The following LAMB4 variants were observed in gnomAD, a reference collection of about 807,000 sequenced individuals.
LAMB4 encodes the protein laminin subunit beta 4.
In LAMB4, 196 loss-of-function variants were observed where a neutral mutation model predicts 199.2. That is an observed-to-expected ratio of 0.98 (90% CI 0.88 to 1.11). The LOEUF is 1.11. LAMB4 is among the 50% of genes least tolerant of loss of function. LAMB4 has a pLI of 0.00. For synonymous variants in LAMB4, 744 were observed against 770.6 expected, an observed-to-expected ratio of 0.97 and a Z score of 0.57; for missense variants, 2,080 against 2,171.2, an observed-to-expected ratio of 0.96 and a Z score of 0.83.
At chr7:108,013,180 C>G in the LAMB4 span, among the ~76,000 whole-genome samples, 1 of 152,158 alleles carries the variant, frequency 6.6e-6, no homozygotes, top group African/African-American at 2.4e-5. Flanking sequence ...ATTGCAAGTG[C>G]CTTGAGAGCA....
intron 14 of LAMB4, among the ~76,000 whole-genome samples, chr7:108,089,860 C>G (rs1321746604): frequency 6.6e-6 from 1 of 152,166 alleles, no homozygotes. Context: ...GATATGGGAC[C>G]TCACTATGTT....
At chr7:108,073,573 G>T (rs11978694) in intron 17 of LAMB4, among the ~76,000 whole-genome samples, 1 of 152,092 alleles carries the variant, frequency 6.6e-6, no homozygotes, top group African/African-American at 2.4e-5. Flanking sequence ...ATAAACAAAG[G>T]TTTCCTTTGG....
At chr7:108,124,135 C>G (rs2038697181) in intron 1 of LAMB4, among the ~76,000 whole-genome samples, 1 of 152,092 alleles carries the variant, frequency 6.6e-6, no homozygotes, top group Non-Finnish European at 1.5e-5. Context: ...CCCACCTCAG[C>G]CTCCCCAGTA....
At chr7:108,127,683 G>A (rs1381609525) in intron 1 of LAMB4, among the ~76,000 whole-genome samples, 1 of 152,074 alleles carries the variant, frequency 6.6e-6, no homozygotes, top group Non-Finnish European at 1.5e-5. Flanking sequence ...TCTGGGATGG[G>A]GCCCAGCATG....
intron 10 of LAMB4, among the ~76,000 whole-genome samples, chr7:108,099,464 T>C (rs2037742533): frequency 6.6e-6 from 1 of 152,158 alleles, no homozygotes; most frequent in Non-Finnish European, 1.5e-5. Context: ...AACTCTCAAA[T>C]AGTTAGGGGT....
the LAMB4 span, among the ~76,000 whole-genome samples, chr7:108,013,367 G>C: frequency 6.6e-6 from 1 of 152,162 alleles, no homozygotes; most frequent in Non-Finnish European, 1.5e-5. Context: ...ATACGCATTC[G>C]TATGTTAAAG....
rs765031309 is a variant in LAMB4, at chr7:108,055,954, C to T, written c.3433G>A (p.Gly1145Ser). The change falls in exon 25 of 34, where the codon GGC becomes AGC. Residue 1145 changes from glycine to serine, a missense_variant. Physicochemically the swap from Gly to Ser is moderately conservative, Grantham distance 56 (BLOSUM62 0). Coordinates refer to ENST00000388781, the MANE Select transcript of LAMB4 (RefSeq NM_007356.3). Reference sequence around the variant, plus strand: ...ACACCCTCCCGGCAGCGGCACATGCCTGTGTCTGGATCACAGATGGGCTTC... The same window carrying T: ...ACACCCTCCCGGCAGCGGCACATGCTTGTGTCTGGATCACAGATGGGCTTC... Reference protein sequence around the residue: ...TQKPICDPDTGMCRCREGVSG... With the variant: ...TQKPICDPDTSMCRCREGVSG... 8 of 1,614,056 alleles carry T rather than the reference C, an allele frequency of 5.0e-6. No homozygotes were observed. In the African/African-American group the frequency reaches 9.3e-5, roughly 19 times the overall value.
At chr7:108,116,220 C>A (rs1414755326) in intron 2 of LAMB4, 59 bp from the exon 3 acceptor site, 8 of 1,476,642 alleles carry the variant, frequency 5.4e-6, no homozygotes, top group South Asian at 1.3e-5. Flanking sequence ...ACAGGGCCTG[C>A]AGAAATGACT....
At chr7:108,058,327 A>G (rs17154870) in intron 23 of LAMB4, among the ~76,000 whole-genome samples, 25,375 of 152,266 alleles carry the variant, frequency 0.17, 6,421 homozygotes, top group African/African-American at 0.55. Context: ...TAATGTTTTC[A>G]TTATGGAATG....
Position 108,029,173 on chromosome 7 carries a change from T to C in LAMB4, c.5016A>G (p.Gln1672=). 2.5e-6 allele frequency: 4 copies of C among 1,612,132 alleles called. No homozygotes were observed. Among genetic ancestry groups the C allele is most frequent in the South Asian group, 2.2e-5 (2 of 90,256 alleles). ...TTGTCTTACGTTGGAGAATAGCATA[T>C]TGTTTTTTCAGCTCAACAAATTCCT... The part of the protein sequence containing the change: ...LEKEFVELKK[Q]YAILQRKTST... The change falls in exon 33 of 34, where the codon CAA becomes CAG. Residue 1672 remains glutamine (Q), a synonymous_variant. Coordinates refer to ENST00000388781, the MANE Select transcript of LAMB4 (RefSeq NM_007356.3).
intron 4 of LAMB4, 112 bp downstream of exon 4, chr7:108,111,683 ATTCTTGGAGGATACTG>A (rs1349607372): frequency 2.7e-6 from 2 of 748,710 alleles, no homozygotes; most frequent in African/African-American, 1.8e-5. Context: ...GGGTCTCTAC[ATTCTTGGAGGATACTG>A]TTCCATTCCA....
rs765666478 is a variant in LAMB4 at position 108,078,220 on chromosome 7, C to G, written c.1984G>C (p.Ala662Pro). ...ACATACCTCGTAGCCGCTGGTAAGG[C>G]AAAAGACTGAGGCTTTGACTGTAGA... ...KTLQSKPQSF[A>P]LPAATRIMLL... Residue 662 changes from alanine (A) to proline (P), a missense_variant, in exon 16 of 34, where the codon GCC becomes CCC. Transcript: ENST00000388781. 6.2e-7 allele frequency: 1 copy of G among 1,609,136 alleles called. No homozygotes were observed. Among genetic ancestry groups the G allele is most frequent in the Non-Finnish European group, 8.5e-7 (1 of 1,177,444 alleles).
chr7:108,042,937 CTGTGTGTGTGTGTGTGTG>C (rs754739499), intron 29 of LAMB4, among the ~76,000 whole-genome samples: 5 of 140,292 alleles, frequency 3.6e-5, no homozygotes, highest in Admixed American at 2.1e-4. Context: ...CTCTCAATCT[CTGTGTGTGTGTGTGTGTG>C]TGTGTGTGTG....
chr7:108,043,045 T>C (rs990244219), intron 29 of LAMB4, among the ~76,000 whole-genome samples: 1 of 151,730 alleles, frequency 6.6e-6, no homozygotes, highest in African/African-American at 2.4e-5. Flanking sequence ...TAATCTTTAC[T>C]AATTCTCTGG....
rs770203727 is a variant in LAMB4, at chr7:108,069,853, C to T, written c.2157G>A (p.Glu719=). The T allele has an allele frequency of 2.5e-6, 4 of 1,613,354 alleles. No homozygotes were observed. The highest frequency in any genetic ancestry group is 3.4e-6 in the Non-Finnish European group (4 of 1,179,606). ...LGLIPQINSL[E]NFCSKQDLDE... ...CTAAGTCCTGCTTGCTGCAGAAATT[C>T]TCCAATGAATTGATTTGGGGAATAA... The change falls in exon 18 of 34, where the codon GAG becomes GAA. Residue 719 remains glutamate, a synonymous_variant. Coordinates refer to ENST00000388781, the MANE Select transcript of LAMB4 (RefSeq NM_007356.3).
At chr7:108,104,345 G>T (rs2037923821) in intron 9 of LAMB4, among the ~76,000 whole-genome samples, 154 bp downstream of exon 9, 1 of 152,230 alleles carries the variant, frequency 6.6e-6, no homozygotes, top group African/African-American at 2.4e-5. Flanking sequence ...TTCTATGTGG[G>T]ATAATTGGGA....
At chr7:108,066,992 A>G (rs950414424) in intron 19 of LAMB4, among the ~76,000 whole-genome samples, 8 of 151,934 alleles carry the variant, frequency 5.3e-5, no homozygotes, top group Non-Finnish European at 8.8e-5. Flanking sequence ...TATAAACCAT[A>G]TAAGAGCCCA....
At chr7:108,106,104 T>C (rs978591981) in intron 7 of LAMB4, 73 bp from the exon 8 acceptor site, 4 of 1,110,098 alleles carry the variant, frequency 3.6e-6, no homozygotes, top group Non-Finnish European at 5.4e-6. Flanking sequence ...TTGACTGATA[T>C]ACACTTAATA....
At chr7:108,109,372 C>A in intron 4 of LAMB4, 128 bp from the exon 5 acceptor site, 1 of 708,612 alleles carries the variant, frequency 1.4e-6, no homozygotes, top group Non-Finnish European at 2.4e-6. Flanking sequence ...ATCACTCTTC[C>A]CAGTCTGTTG....
Sources: allele counts gnomAD v4.1 joint callset (sites outside exome capture counted in the v4.1 genomes callset), GRCh38; gene constraint gnomAD v4.1.1; transcripts MANE v1.5; gene names NCBI Gene and HGNC (gene_info 2026-07-23, HGNC 2026-07-21).